Variants in SBNO2 observed in about 807,000 individuals in gnomAD.
SBNO2 encodes protein strawberry notch homolog 2.
SBNO2 carries 89 observed loss-of-function variants against 146.3 expected under a neutral mutation model. The ratio of observed to expected loss-of-function variants is 0.61; its 90% CI spans 0.51 to 0.73. The LOEUF is 0.73. Among genes scored for constraint, SBNO2 ranks in the 30% least tolerant of loss-of-function variants. SBNO2 has a pLI of 0.00. For missense variants in SBNO2, 2,092 were observed against 2,003.7 expected (o/e 1.04, Z -0.84); for synonymous variants, 1,147 against 892.6 (o/e 1.29, Z -5.08).
At position 1,112,294 on chromosome 19, in the gene SBNO2, G is replaced by A. The variant is rs1252220823; in HGVS notation, c.2523C>T (p.Thr841=). 1 of 1,583,536 alleles carries A rather than the reference G, an allele frequency of 6.3e-7. No homozygotes were observed. The highest frequency in any genetic ancestry group is 2.3e-5 in the East Asian group (1 of 43,482). The part of the protein sequence containing the change: ...ADRAIQQFGR[T]HRSNQVSAPE... ...GCGCGGAGACCTGGTTGGACCGGTG[G>A]GTGCGGCCTGGGGGCAGAGCTGCTC... Residue 841 remains threonine, a synonymous_variant, in exon 22 of 32, where the codon ACC becomes ACT. Transcript: ENST00000361757. This position sits in a 1 kb window ranked among gnomAD's most constrained non-coding sequence, Gnocchi z 5.9.
At chr19:1,153,472 C>A (rs146428373) in intron 2 of SBNO2, among the ~76,000 whole-genome samples, 2,525 of 151,836 alleles carry the variant, frequency 0.017, 72 homozygotes, top group African/African-American at 0.058. Flanking sequence ...CTCCTGACCT[C>A]AAGTGATCTG....
chr19:1,128,149 AAAAT>A (rs1177659199), intron 4 of SBNO2: 2 of 474,050 alleles, frequency 4.2e-6, no homozygotes, highest in Admixed American at 2.3e-5. Flanking sequence ...AAAAAAGAAA[AAAAT>A]AAACAAGCAA....
At chr19:1,167,263 G>A (rs534609834) in intron 1 of SBNO2, among the ~76,000 whole-genome samples, 9 of 152,254 alleles carry the variant, frequency 5.9e-5, no homozygotes, top group African/African-American at 1.4e-4. Flanking sequence ...TCGCCAGTGC[G>A]GCCTGATCCA....
At position 1,116,119 on chromosome 19, in the gene SBNO2, G is replaced by A. The variant is rs368082007; in HGVS notation, c.1803-16C>T. ...GAACACGCCTCTGAAAGTGAGACGC[G>A]GAGTTTATTCTCACACGAGGAGCTG... On this transcript the variant is annotated splice_polypyrimidine_tract_variant and intron_variant, in intron 16 of 31. Transcript: ENST00000361757. The A allele has an allele frequency of 1.6e-5, 25 of 1,599,350 alleles. No homozygotes were observed. The highest frequency in any genetic ancestry group is 1.2e-4 in the African/African-American group (9 of 74,402).
chr19:1,149,850 G>A (rs193078522), intron 2 of SBNO2, among the ~76,000 whole-genome samples: 13 of 152,298 alleles, frequency 8.5e-5, no homozygotes, highest in African/African-American at 3.1e-4. Flanking sequence ...AGGGAGACGC[G>A]CACCCGCTGC....
intron 1 of SBNO2, among the ~76,000 whole-genome samples, chr19:1,171,226 C>A (rs1269568380): frequency 6.6e-6 from 1 of 152,130 alleles, no homozygotes; most frequent in Admixed American, 6.5e-5. Context: ...CACATTCACA[C>A]ACACACAACG....
At chr19:1,130,130 G>A (rs2080011988) in intron 4 of SBNO2, among the ~76,000 whole-genome samples, 1 of 152,152 alleles carries the variant, frequency 6.6e-6, no homozygotes, top group Admixed American at 6.5e-5. Flanking sequence ...TAAACACCAC[G>A]TGGGGTCCTG....
At chr19:1,141,137 G>A (rs545644274) in intron 4 of SBNO2, among the ~76,000 whole-genome samples, 2 of 152,124 alleles carry the variant, frequency 1.3e-5, no homozygotes, top group South Asian at 4.1e-4. Context: ...AGGCACCCTG[G>A]AGAACTGCCT....
chr19:1,173,557 G>A lies in SBNO2; in HGVS notation c.-127+615C>T, dbSNP rs2080501532. Among the ~76,000 whole-genome samples, 1 of 152,096 alleles carries A rather than the reference G, an allele frequency of 6.6e-6. No individual in the cohort carries two copies. Among genetic ancestry groups the A allele is most frequent in the Non-Finnish European group, 1.5e-5 (1 of 68,020 alleles). On this transcript the variant is annotated intron_variant, in intron 1 of 31. Coordinates refer to ENST00000361757, the MANE Select transcript of SBNO2 (RefSeq NM_014963.3). This position sits in a 1 kb window ranked among gnomAD's most constrained non-coding sequence, Gnocchi z 4.7. ...AGGGCTGCGCTGCGGGGCCGAGAAGGCAAGGGTCCTGGGACCGGGGACAAG... is the reference window on the plus strand; with the variant it reads ...AGGGCTGCGCTGCGGGGCCGAGAAGACAAGGGTCCTGGGACCGGGGACAAG...
At chr19:1,121,440 A>C (rs969771198) in intron 11 of SBNO2, among the ~76,000 whole-genome samples, 44 of 152,228 alleles carry the variant, frequency 2.9e-4, no homozygotes, top group Admixed American at 2.4e-3. Context: ...TTAACTGAAC[A>C]GCAAAGCCAT....
In SBNO2 at chr19:1,110,924, G is replaced by A. The variant is rs1188278078; in HGVS notation, c.2885-36C>T. On this transcript the variant is annotated intron_variant, in intron 25 of 31. Coordinates refer to ENST00000361757, the MANE Select transcript of SBNO2 (RefSeq NM_014963.3). This position sits in a 1 kb window ranked among gnomAD's most constrained non-coding sequence, Gnocchi z 4.9. ...AGGGAGCCAAGCCTCAGGCTGCGCTGGGAATCCCTCTCCCTGCTTTGCTCA... is the reference window on the plus strand; with the variant it reads ...AGGGAGCCAAGCCTCAGGCTGCGCTAGGAATCCCTCTCCCTGCTTTGCTCA... 1 of 1,611,558 alleles carries A rather than the reference G, an allele frequency of 6.2e-7. No individual in the cohort carries two copies.
chr19:1,166,160 TTCAGATCC>T (rs2080421513), intron 1 of SBNO2, among the ~76,000 whole-genome samples: 1 of 67,870 alleles, frequency 1.5e-5, no homozygotes, highest in Non-Finnish European at 3.0e-5. Context: ...GATCCCAGAC[TTCAGATCC>T]CCAGACCCCA....
intron 1 of SBNO2, among the ~76,000 whole-genome samples, chr19:1,172,775 A>ACCCCCCCCCCCCCCCCCCCCCCCACC (rs200691444): frequency 2.5e-5 from 1 of 39,604 alleles, no homozygotes; most frequent in African/African-American, 2.0e-4. Context: ...ACTCACTGCA[A>ACCCCCCCCCCCCCCCCCCCCCCCACC]CCGCCCCCCC....
rs1003655803 is a variant in SBNO2, at chr19:1,113,206, G to A, written c.2248-257C>T. On this transcript the variant is annotated intron_variant, in intron 19 of 31. Transcript: ENST00000361757. ...GGGCGGGGGCAGGGAGTAGGAGGCC[G>A]CAGAACCAGGCCCAGGGGCTTGTGT... Among the ~76,000 whole-genome samples the A allele has an allele frequency of 4.6e-5, 7 of 152,148 alleles. No individual in the cohort carries two copies. The East Asian group carries it at 5.8e-4, about 13-fold the overall frequency.
chr19:1,120,133 C>A, intron 11 of SBNO2, 110 bp from the exon 12 acceptor site: 1 of 818,096 alleles, frequency 1.2e-6, no homozygotes, highest in South Asian at 1.6e-5. Context: ...AACGCCTGTG[C>A]GGCTGAGAAC....
At position 1,112,309 on chromosome 19, in the gene SBNO2, C is replaced by A. The variant is rs986857074; in HGVS notation, c.2516-8G>T. On this transcript the variant is annotated splice_region_variant and splice_polypyrimidine_tract_variant and intron_variant, in intron 21 of 31. Transcript: ENST00000361757. The surrounding 1 kb of genome is among the most constrained non-coding windows in gnomAD (Gnocchi z 5.9). ...TGGACCGGTGGGTGCGGCCTGGGGG[C>A]AGAGCTGCTCTCAGGGCCCGGCCAG... The A allele has an allele frequency of 5.1e-6, 8 of 1,579,174 alleles. No homozygotes were observed. The South Asian group carries it at 9.2e-5, about 18-fold the overall frequency.
At chr19:1,163,875 C>T (rs1353120692) in intron 1 of SBNO2, among the ~76,000 whole-genome samples, 3 of 152,214 alleles carry the variant, frequency 2.0e-5, no homozygotes, top group East Asian at 3.9e-4. Context: ...GGCAGTGGCC[C>T]CGGTTGCCTG....
intron 11 of SBNO2, among the ~76,000 whole-genome samples, chr19:1,120,702 C>T (rs1299449875): frequency 6.6e-6 from 1 of 151,972 alleles, no homozygotes; most frequent in East Asian, 1.9e-4. Flanking sequence ...CGAAGTCTCG[C>T]TCTGTCACTA....
chr19:1,109,638 G>A lies in SBNO2; in HGVS notation c.3124-40C>T, dbSNP rs1163328765. 1 of 1,573,186 alleles carries A rather than the reference G, an allele frequency of 6.4e-7. No individual in the cohort carries two copies. The highest frequency in any genetic ancestry group is 8.6e-7 in the Non-Finnish European group (1 of 1,156,438). ...GGTGGGGGGGTGTGAGTGTGGTGGG[G>A]GCGGGGTGGGCAGAGTGTGAGGGGC... is the stretch of plus-strand genomic sequence containing the variant. On this transcript the variant is annotated intron_variant, in intron 27 of 31. Transcript: ENST00000361757. The surrounding 1 kb of genome is among the most constrained non-coding windows in gnomAD (Gnocchi z 4.2).
Sources: allele counts gnomAD v4.1 joint callset (sites outside exome capture counted in the v4.1 genomes callset), GRCh38; gene constraint gnomAD v4.1.1; non-coding constraint Gnocchi (gnomAD v3.1); transcripts MANE v1.5; gene names NCBI Gene and HGNC (gene_info 2026-07-23, HGNC 2026-07-21).